The following PRR16 variants were observed in gnomAD, a reference collection of about 807,000 sequenced individuals.
PRR16 encodes protein Largen.
PRR16 carries 6 observed loss-of-function variants against 18.2 expected under a neutral mutation model. The ratio of observed to expected loss-of-function variants is 0.33; its 90% CI spans 0.18 to 0.65. PRR16 has a LOEUF of 0.65. Among genes scored for constraint, PRR16 ranks in the 30% least tolerant of loss-of-function variants. PRR16 has a pLI of 0.74. For missense variants in PRR16, 412 were observed against 376.6 expected, an observed-to-expected ratio of 1.09 and a Z score of -0.78; for synonymous variants, 151 against 147.8, an observed-to-expected ratio of 1.02 and a Z score of -0.16.
the PRR16 span, among the ~76,000 whole-genome samples, chr5:120,756,578 G>C: frequency 6.6e-6 from 1 of 151,776 alleles, no homozygotes; most frequent in Non-Finnish European, 1.5e-5. Flanking sequence ...ATGTTTATTG[G>C]TTGCCTGTAT....
chr5:120,494,336 G>A (rs1374524626), intron 1 of PRR16, among the ~76,000 whole-genome samples: 2 of 151,894 alleles, frequency 1.3e-5, no homozygotes, highest in African/African-American at 4.8e-5. Context: ...CTCTGGGTCT[G>A]TTCATGTCTT....
chr5:120,486,278 C>T (rs979482691), intron 1 of PRR16, among the ~76,000 whole-genome samples: 29 of 152,082 alleles, frequency 1.9e-4, no homozygotes, highest in East Asian at 3.9e-4. Context: ...AGTGTAAAAG[C>T]GTTCCTGTTT....
At chr5:120,508,552 G>C (rs1750719810) in intron 1 of PRR16, among the ~76,000 whole-genome samples, 1 of 151,986 alleles carries the variant, frequency 6.6e-6, no homozygotes, top group South Asian at 2.1e-4. Flanking sequence ...TTAGAAATTA[G>C]AAAAAAGAAA....
the PRR16 span, among the ~76,000 whole-genome samples, chr5:120,697,937 C>A: frequency 6.6e-6 from 1 of 152,244 alleles, no homozygotes; most frequent in South Asian, 2.1e-4. Context: ...AGGGCATATT[C>A]ACTTCTTTTG....
intron 1 of PRR16, among the ~76,000 whole-genome samples, chr5:120,567,862 C>A (rs1752785372): frequency 1.3e-5 from 2 of 152,206 alleles, no homozygotes; most frequent in East Asian, 3.9e-4. Flanking sequence ...TCTGTTAGTT[C>A]TTTATAGCAG....
the PRR16 span, among the ~76,000 whole-genome samples, chr5:120,788,440 C>A: frequency 1.3e-5 from 2 of 151,974 alleles, no homozygotes; most frequent in African/African-American, 4.8e-5. Context: ...TGTGGAAAGT[C>A]GGCTTTGTGT....
At chr5:120,536,974 T>C (rs1226198689) in intron 1 of PRR16, among the ~76,000 whole-genome samples, 1 of 152,192 alleles carries the variant, frequency 6.6e-6, no homozygotes, top group South Asian at 2.1e-4. Context: ...TTCTCACTTA[T>C]AAGCGGGAGC....
At chr5:120,696,610 C>A in the PRR16 span, among the ~76,000 whole-genome samples, 64 of 152,116 alleles carry the variant, frequency 4.2e-4, no homozygotes, top group Non-Finnish European at 7.2e-4. Flanking sequence ...AAAATATATT[C>A]CTATTTCTTC....
At chr5:120,654,624 A>G (rs1755904454) in intron 1 of PRR16, among the ~76,000 whole-genome samples, 1 of 151,998 alleles carries the variant, frequency 6.6e-6, no homozygotes, top group Non-Finnish European at 1.5e-5. Context: ...TGAAAGATAC[A>G]CAACAGAGAG....
chr5:120,625,791 CT>C (rs1754842789), intron 1 of PRR16, among the ~76,000 whole-genome samples: 1 of 149,432 alleles, frequency 6.7e-6, no homozygotes, highest in South Asian at 2.1e-4. Flanking sequence ...CTACCACTTT[CT>C]TAATGTATTT....
At chr5:120,725,319 T>C in the PRR16 span, among the ~76,000 whole-genome samples, 12 of 133,516 alleles carry the variant, frequency 9.0e-5, no homozygotes, top group African/African-American at 2.5e-4. Context: ...TTTTTTTTTT[T>C]CCATATTCAA....
intron 1 of PRR16, among the ~76,000 whole-genome samples, chr5:120,497,504 C>G (rs1229678761): frequency 1.3e-5 from 2 of 150,070 alleles, no homozygotes; most frequent in African/African-American, 4.9e-5. Context: ...ATTCTCCTGC[C>G]TCAGCCTCCC....
At chr5:120,699,311 G>T in the PRR16 span, among the ~76,000 whole-genome samples, 3 of 152,204 alleles carry the variant, frequency 2.0e-5, no homozygotes, top group African/African-American at 7.2e-5. Flanking sequence ...GCTGGTGTGT[G>T]GCGATTAGGC....
rs770078121 is a variant in PRR16, at chr5:120,512,376, A to G, written c.159+47731A>G. On this transcript the variant is annotated intron_variant, in intron 1 of 1. Transcript: ENST00000407149. ...CTGCTCCTAGCTAGAAAAGTCAGCA[A>G]TCTTGGAGAGGAGGTGGCAGTTCTC... is the stretch of plus-strand genomic sequence containing the variant. Among the ~76,000 whole-genome samples the G allele has an allele frequency of 1.2e-4, 18 of 152,246 alleles. No homozygotes were observed. The South Asian group carries it at 1.2e-3, about 11-fold the overall frequency.
chr5:120,569,567 G>T (rs948440569), intron 1 of PRR16, among the ~76,000 whole-genome samples: 1 of 152,132 alleles, frequency 6.6e-6, no homozygotes, highest in Non-Finnish European at 1.5e-5. Context: ...AAACTTACAG[G>T]TTGGATGAAG....
chr5:120,496,535 C>T (rs1023625205), intron 1 of PRR16, among the ~76,000 whole-genome samples: 2 of 151,436 alleles, frequency 1.3e-5, no homozygotes, highest in Non-Finnish European at 2.9e-5. Flanking sequence ...TAGATATCTT[C>T]AAGACTTGTA....
At chr5:120,706,453 C>T in the PRR16 span, among the ~76,000 whole-genome samples, 1 of 152,122 alleles carries the variant, frequency 6.6e-6, no homozygotes, top group Admixed American at 6.6e-5. Flanking sequence ...CTCCTTCAGC[C>T]TGTTTCTTCA....
the PRR16 span, among the ~76,000 whole-genome samples, chr5:120,704,284 G>A: frequency 6.6e-6 from 1 of 152,154 alleles, no homozygotes; most frequent in Non-Finnish European, 1.5e-5. Context: ...GGGCAGCGAT[G>A]GATGGAGGGG....
the PRR16 span, among the ~76,000 whole-genome samples, chr5:120,759,388 G>T: frequency 3.9e-5 from 6 of 152,010 alleles, no homozygotes; most frequent in East Asian, 1.2e-3. Flanking sequence ...ATAGAGATTT[G>T]TATCCAAAAC....
Sources: gnomAD v4.1 joint callset for allele counts (sites outside exome capture counted in the v4.1 genomes callset) on GRCh38, gnomAD v4.1.1 for gene constraint, MANE v1.5 for transcripts, NCBI Gene and HGNC (gene_info 2026-07-23, HGNC 2026-07-21) for gene names.